TCP11L1: variants seen among roughly 807,000 people sequenced by gnomAD.
The protein encoded by TCP11L1 is t-complex 11 like 1.
TCP11L1 carries 28 observed loss-of-function variants against 48.9 expected under a neutral mutation model. The ratio of observed to expected loss-of-function variants is 0.57; its 90% CI spans 0.42 to 0.78. TCP11L1 has a LOEUF of 0.78. Among genes scored for constraint, TCP11L1 ranks in the 30% least tolerant of loss-of-function variants. TCP11L1 has a pLI of 0.00. For synonymous variants in TCP11L1, 204 were observed against 231.9 expected, an observed-to-expected ratio of 0.88 and a Z score of 1.09; for missense variants, 505 against 613.4, an observed-to-expected ratio of 0.82 and a Z score of 1.87.
chr11:33,055,166 TA>T (rs2133715194), intron 3 of TCP11L1, among the ~76,000 whole-genome samples: 1 of 152,348 alleles, frequency 6.6e-6, no homozygotes, highest in African/African-American at 2.4e-5. Flanking sequence ...CCATTATAAT[TA>T]TAAAAATGCC....
chr11:33,049,041 A>G (rs1042082141), intron 2 of TCP11L1, among the ~76,000 whole-genome samples: 1 of 152,162 alleles, frequency 6.6e-6, no homozygotes, highest in Admixed American at 6.5e-5. Context: ...CATGAGGTCA[A>G]GAGATCAAGA....
Position 33,059,077 on chromosome 11 carries a change from AT to A in TCP11L1, c.761del (p.Leu254TrpfsTer23). On this transcript the variant is annotated frameshift_variant, in exon 6 of 10. Coordinates refer to ENST00000334274, the MANE Select transcript of TCP11L1 (RefSeq NM_018393.4). LOFTEE classifies it high-confidence loss of function. ...ATACGAAAGGAAGAAGTTTCAAGAG[AT>A]TTTGGAGAGGCAACCAAGTATGTTG... ...VEYERKKFQEILERQPNSLDF... is the reference protein window; with the variant it reads ...VEYERKKFQEXLERQPNSLDF... 1 of 1,613,970 alleles carries A rather than the reference AT, an allele frequency of 6.2e-7. No individual in the cohort carries two copies. Among genetic ancestry groups the A allele is most frequent in the Non-Finnish European group, 8.5e-7 (1 of 1,179,976 alleles).
chr11:33,057,805 A>G (rs1854351901), intron 4 of TCP11L1, 114 bp from the exon 5 acceptor site: 6 of 847,962 alleles, frequency 7.1e-6, no homozygotes, highest in African/African-American at 1.7e-5. Flanking sequence ...GAAGTAAAAT[A>G]TGTGCAATAT....
At chr11:33,054,566 A>G in intron 2 of TCP11L1, 27 bp from the exon 3 acceptor site, 1 of 1,595,870 alleles carries the variant, frequency 6.3e-7, no homozygotes, top group Non-Finnish European at 8.5e-7. Context: ...AGGGAAGCAA[A>G]TCTCTTACAG....
chr11:33,067,766 G>A (rs1318775411), intron 8 of TCP11L1, among the ~76,000 whole-genome samples: 1 of 152,126 alleles, frequency 6.6e-6, no homozygotes, highest in Non-Finnish European at 1.5e-5. Flanking sequence ...CCACAACAGA[G>A]GCAGTTACCT....
chr11:33,070,112 C>T (rs1394254698), intron 9 of TCP11L1, among the ~76,000 whole-genome samples: 2 of 150,668 alleles, frequency 1.3e-5, no homozygotes, highest in East Asian at 3.9e-4. Flanking sequence ...CCCATCTCTA[C>T]AAAAAATTAA....
intron 2 of TCP11L1, among the ~76,000 whole-genome samples, chr11:33,046,057 G>A (rs1382131852): frequency 6.6e-6 from 1 of 152,266 alleles, no homozygotes; most frequent in Non-Finnish European, 1.5e-5. Flanking sequence ...CAGAGGCCAC[G>A]CCCTGAGCCC....
At chr11:33,068,932 C>G in intron 9 of TCP11L1, 73 bp downstream of exon 9, 1 of 1,543,854 alleles carries the variant, frequency 6.5e-7, no homozygotes, top group Non-Finnish European at 8.8e-7. Flanking sequence ...CTGAAGAAAC[C>G]TGAGGGCTCA....
At chr11:33,061,429 A>G in intron 6 of TCP11L1, 101 bp from the exon 7 acceptor site, 2 of 1,169,034 alleles carry the variant, frequency 1.7e-6, no homozygotes, top group Non-Finnish European at 1.2e-6. Context: ...TTCATACTTT[A>G]TACTTTATCA....
At chr11:33,057,877 G>A (rs1314212268) in intron 4 of TCP11L1, 42 bp from the exon 5 acceptor site, 1 of 1,517,978 alleles carries the variant, frequency 6.6e-7, no homozygotes, top group Admixed American at 2.1e-5. Flanking sequence ...TAGAAATGAT[G>A]TCTAAAGAAT....
chr11:33,048,391 A>G (rs1187004277), intron 2 of TCP11L1, among the ~76,000 whole-genome samples: 1 of 152,160 alleles, frequency 6.6e-6, no homozygotes, highest in African/African-American at 2.4e-5. Flanking sequence ...TTGTCCACCA[A>G]ATTGCATCTT....
intron 1 of TCP11L1, among the ~76,000 whole-genome samples, chr11:33,041,797 A>G (rs1325951716): frequency 6.6e-6 from 1 of 151,940 alleles, no homozygotes; most frequent in Non-Finnish European, 1.5e-5. Flanking sequence ...TTTCAATCCC[A>G]GTAACTTCAT....
rs1854464816 is a variant in TCP11L1 at position 33,061,511 on chromosome 11, G to A, written c.776-19G>A. 1.3e-6 allele frequency: 2 copies of A among 1,583,534 alleles called. No homozygotes were observed. Among genetic ancestry groups the A allele is most frequent in the Non-Finnish European group, 1.7e-6 (2 of 1,163,510 alleles). On this transcript the variant is annotated intron_variant, in intron 6 of 9. Transcript: ENST00000334274. Reference sequence around the variant, plus strand: ...CCTTCTTGGTGTCAAGGTAATGTGTGCAGCTTTGTTTTTCACAGATTCCCT... The same window carrying A: ...CCTTCTTGGTGTCAAGGTAATGTGTACAGCTTTGTTTTTCACAGATTCCCT...
chr11:33,069,671 T>G (rs1024615195), intron 9 of TCP11L1, among the ~76,000 whole-genome samples: 1 of 152,140 alleles, frequency 6.6e-6, no homozygotes, highest in Non-Finnish European at 1.5e-5. Context: ...CTCGGCTCAC[T>G]GCACTCCACC....
At chr11:33,048,744 G>T (rs984496557) in intron 2 of TCP11L1, among the ~76,000 whole-genome samples, 1 of 152,072 alleles carries the variant, frequency 6.6e-6, no homozygotes, top group African/African-American at 2.4e-5. Context: ...AAATTCGGAG[G>T]ATTCTTATAT....
In TCP11L1 at chr11:33,057,904, T is replaced by C. The variant is rs1415888212; in HGVS notation, c.418-15T>C. Reference sequence around the variant, plus strand: ...CTAAAGAATTTTGATTAAACGTAGCTGTGTTCTCTTGTAGACTCTCTTATC... The same window carrying C: ...CTAAAGAATTTTGATTAAACGTAGCCGTGTTCTCTTGTAGACTCTCTTATC... On this transcript the variant is annotated splice_polypyrimidine_tract_variant and intron_variant, in intron 4 of 9. Transcript: ENST00000334274. 2 of 1,593,572 alleles carry C rather than the reference T, an allele frequency of 1.3e-6. No individual in the cohort carries two copies. Among genetic ancestry groups the C allele is most frequent in the Non-Finnish European group, 8.5e-7 (1 of 1,172,452 alleles).
chr11:33,056,182 T>C (rs1464283567), intron 3 of TCP11L1, among the ~76,000 whole-genome samples: 1 of 152,142 alleles, frequency 6.6e-6, no homozygotes, highest in Non-Finnish European at 1.5e-5. Flanking sequence ...CAGTCTCAGC[T>C]CACTGCAGCC....
At chr11:33,066,082 G>T (rs1854610207) in intron 8 of TCP11L1, 71 bp downstream of exon 8, 2 of 1,568,096 alleles carry the variant, frequency 1.3e-6, no homozygotes, top group Non-Finnish European at 1.7e-6. Context: ...TCCCAGAGGG[G>T]TCTCCCACTG....
intron 5 of TCP11L1, among the ~76,000 whole-genome samples, chr11:33,058,493 C>T (rs1019236314): frequency 3.3e-5 from 5 of 150,018 alleles, no homozygotes; most frequent in African/African-American, 1.2e-4. Context: ...CCACTGTGCC[C>T]AGACCAGAAC....
Sources: allele counts gnomAD v4.1 joint callset (sites outside exome capture counted in the v4.1 genomes callset), GRCh38; gene constraint gnomAD v4.1.1; transcripts MANE v1.5; gene names NCBI Gene and HGNC (gene_info 2026-07-23, HGNC 2026-07-21).